TMC2: variants seen among roughly 807,000 people sequenced by gnomAD.
TMC2 encodes transmembrane channel-like protein 2.
TMC2 carries 102 observed loss-of-function variants against 105.9 expected under a neutral mutation model. The ratio of observed to expected loss-of-function variants is 0.96; its 90% CI spans 0.82 to 1.14. TMC2 has a LOEUF of 1.14. Among genes scored for constraint, TMC2 ranks in the 50% most tolerant of loss-of-function variants. The pLI is 0.00. For synonymous variants in TMC2, 402 were observed against 422.8 expected, an observed-to-expected ratio of 0.95 and a Z score of 0.60; for missense variants, 1,093 against 1,134.3, an observed-to-expected ratio of 0.96 and a Z score of 0.52.
chr20:2,618,185 C>T (rs2146249954), intron 16 of TMC2: 1 of 152,710 alleles, frequency 6.5e-6, no homozygotes, highest in Non-Finnish European at 1.5e-5. Flanking sequence ...TCCTTCCCAA[C>T]CTCTGATCAC....
Position 2,612,360 on chromosome 20 carries a change from A to T in TMC2, c.1743+20A>T, listed in dbSNP as rs1015159. 1 of 1,522,180 alleles carries T rather than the reference A, an allele frequency of 6.6e-7. No individual in the cohort carries two copies. The allele number at this position is 1,522,180 out of a possible 1,614,324, so 94.3% of individuals were successfully genotyped here. On this transcript the variant is annotated intron_variant, in intron 13 of 19. Transcript: ENST00000358864. ...GGCATTGTGAGTAGTTACACTCTCTAAAAAGGTGACCCCTGTTCTCAGTTC... is the reference window on the plus strand; with the variant it reads ...GGCATTGTGAGTAGTTACACTCTCTTAAAAGGTGACCCCTGTTCTCAGTTC...
At chr20:2,584,178 C>T (rs1278239099) in intron 7 of TMC2, among the ~76,000 whole-genome samples, 3 of 152,124 alleles carry the variant, frequency 2.0e-5, no homozygotes, top group Non-Finnish European at 4.4e-5. Flanking sequence ...GGCGCGGTGG[C>T]TCACGCCTGT....
chr20:2,637,902 G>A lies in TMC2; in HGVS notation c.2503+311G>A, dbSNP rs6076379. On this transcript the variant is annotated intron_variant, in intron 19 of 19. Transcript: ENST00000358864. ...ATAACATTTGGATCAACCATGGATGGCATCTACAATGGTGGCCCCATAAGA... is the reference window on the plus strand; with the variant it reads ...ATAACATTTGGATCAACCATGGATGACATCTACAATGGTGGCCCCATAAGA... 0.42 allele frequency among the ~76,000 whole-genome samples: 64,556 copies of A among 151,924 alleles called. 15,622 individuals carry two copies. Among genetic ancestry groups the A allele is most frequent in the East Asian group, 0.55 (2,822 of 5,160 alleles).
chr20:2,642,521 C>A lies in TMC2; in HGVS notation c.*1170C>A, dbSNP rs1016591080. 1.3e-5 allele frequency among the ~76,000 whole-genome samples: 2 copies of A among 152,224 alleles called. No homozygotes were observed. Among genetic ancestry groups the A allele is most frequent in the Admixed American group, 1.3e-4 (2 of 15,284 alleles). ...GTACAAAAGACCTTGAAGATGGTTT[C>A]TCTGAAGAGTTTTGCAAAAGGTACA... On this transcript the variant is annotated 3_prime_UTR_variant, in exon 20 of 20. Transcript: ENST00000358864.
Position 2,592,254 on chromosome 20 carries a change from C to A in TMC2, c.835-56C>A. 1.8e-6 allele frequency: 2 copies of A among 1,132,576 alleles called. No homozygotes were observed. Among genetic ancestry groups the A allele is most frequent in the Non-Finnish European group, 1.3e-6 (1 of 744,140 alleles). 70.2% of individuals were successfully genotyped at this position (1,132,576 alleles called of 1,614,324 possible). On this transcript the variant is annotated intron_variant, in intron 7 of 19. Transcript: ENST00000358864. This position sits in a 1 kb window ranked among gnomAD's most constrained non-coding sequence, Gnocchi z 4.9. ...AGCATTTACCCCAGTATATGAATGT[C>A]TCTGTGTGTTTGTATTTCCTCCACT...
intron 7 of TMC2, among the ~76,000 whole-genome samples, chr20:2,582,204 G>T (rs1228441676): frequency 6.6e-6 from 1 of 152,150 alleles, no homozygotes; most frequent in Non-Finnish European, 1.5e-5. Flanking sequence ...AGCAATTAGG[G>T]TGTGGGGTGT....
At chr20:2,584,443 CAAAA>C (rs1161913633) in intron 7 of TMC2, among the ~76,000 whole-genome samples, 5 of 70,146 alleles carry the variant, frequency 7.1e-5, no homozygotes, top group Admixed American at 1.7e-4. Context: ...GACTCCGTCT[CAAAA>C]AAAAAAAAAA....
At chr20:2,585,700 T>TTCA (rs2086227117) in intron 7 of TMC2, among the ~76,000 whole-genome samples, 1 of 152,240 alleles carries the variant, frequency 6.6e-6, no homozygotes, top group Non-Finnish European at 1.5e-5. Flanking sequence ...CTTATGTGGC[T>TTCA]GTTCCCAAGG....
At chr20:2,543,040 C>G (rs375122450) in intron 2 of TMC2, among the ~76,000 whole-genome samples, 2 of 151,898 alleles carry the variant, frequency 1.3e-5, no homozygotes, top group African/African-American at 4.8e-5. Flanking sequence ...AGTTTGAGAC[C>G]AGCCTGGCCA....
rs946009190 is a variant in TMC2 at position 2,592,241 on chromosome 20, A to T, written c.835-69A>T. The T allele has an allele frequency of 6.4e-6, 6 of 937,020 alleles. No homozygotes were observed. In the African/African-American group the frequency reaches 9.7e-5, roughly 15 times the overall value. 58.0% of individuals were successfully genotyped at this position (937,020 alleles called of 1,614,324 possible). A position where few individuals can be genotyped will look rare whatever the true frequency, so the allele number is the denominator to read the frequency against. ...CTCTGAGAAGGAAAGCATTTACCCC[A>T]GTATATGAATGTCTCTGTGTGTTTG... On this transcript the variant is annotated intron_variant, in intron 7 of 19. Transcript: ENST00000358864. The surrounding 1 kb of genome is among the most constrained non-coding windows in gnomAD (Gnocchi z 4.9).
At chr20:2,636,554 C>A (rs1364983010) in intron 18 of TMC2, among the ~76,000 whole-genome samples, 1 of 151,622 alleles carries the variant, frequency 6.6e-6, no homozygotes, top group Non-Finnish European at 1.5e-5. Context: ...TTTCTCTGTC[C>A]CTCTTCTGGA....
In TMC2 at chr20:2,579,186, C is replaced by G; in HGVS notation, c.686C>G (p.Thr229Ser). The G allele has an allele frequency of 6.2e-7, 1 of 1,602,660 alleles. No homozygotes were observed. Among genetic ancestry groups the G allele is most frequent in the Non-Finnish European group, 8.5e-7 (1 of 1,169,744 alleles). The change falls in exon 6 of 20, where the codon ACT becomes AGT. Residue 229 changes from threonine to serine, a missense_variant. Physicochemically the swap from Thr to Ser is moderately conservative, Grantham distance 58. Coordinates refer to ENST00000358864, the MANE Select transcript of TMC2 (RefSeq NM_080751.3). The stretch of plus-strand genomic sequence containing the variant: ...AAGAGAGACTTTGATAATTTCAAGA[C>G]TCAATGTATCCCCTGGGAAATGAAG... ...KFKRDFDNFK[T>S]QCIPWEMKIK...
chr20:2,623,765 G>T lies in TMC2; in HGVS notation c.2181-506G>T, dbSNP rs546844469. On this transcript the variant is annotated intron_variant, in intron 16 of 19. Coordinates refer to ENST00000358864, the MANE Select transcript of TMC2 (RefSeq NM_080751.3). ...TTTGAAGAAAATAAAAATTACAGTT[G>T]TGAACTGTCCAGGAGCCTGTCCTAG... Among the ~76,000 whole-genome samples, 9 of 152,268 alleles carry T rather than the reference G, an allele frequency of 5.9e-5. No individual in the cohort carries two copies. The East Asian group carries it at 1.5e-3, about 26-fold the overall frequency.
At chr20:2,538,650 G>A (rs1048705135) in intron 2 of TMC2, among the ~76,000 whole-genome samples, 2 of 152,172 alleles carry the variant, frequency 1.3e-5, no homozygotes, top group Admixed American at 6.5e-5. Flanking sequence ...GGACTGAAAT[G>A]GAAGACCATT....
rs745396917 is a variant in TMC2, at chr20:2,637,467, C to T, written c.2386-7C>T. ...GGCCAGGACCAACAGTTCATTATTT[C>T]CTGCAGCTCCGTGAAGTTGAGAAGA... On this transcript the variant is annotated splice_region_variant and splice_polypyrimidine_tract_variant and intron_variant, in intron 18 of 19. Transcript: ENST00000358864. 2.8e-5 allele frequency: 45 copies of T among 1,594,506 alleles called. No individual in the cohort carries two copies. The highest frequency in any genetic ancestry group is 3.3e-5 in the South Asian group (3 of 90,634).
At chr20:2,542,048 TCA>T (rs2085893530) in intron 2 of TMC2, among the ~76,000 whole-genome samples, 1 of 152,206 alleles carries the variant, frequency 6.6e-6, no homozygotes, top group Admixed American at 6.5e-5. Context: ...GAAAAAAACT[TCA>T]GAGTAAATGT....
intron 2 of TMC2, among the ~76,000 whole-genome samples, chr20:2,538,166 C>T (rs1228557629): frequency 6.6e-6 from 1 of 152,066 alleles, no homozygotes; most frequent in African/African-American, 2.4e-5. Context: ...TCCTGTGACC[C>T]GCTGCTGTCT....
At chr20:2,541,289 G>A (rs2085888267) in intron 2 of TMC2, among the ~76,000 whole-genome samples, 1 of 152,132 alleles carries the variant, frequency 6.6e-6, no homozygotes. Flanking sequence ...TAGAAATAAT[G>A]TTGCATTGAA....
In TMC2 at chr20:2,637,521, A is replaced by G. The variant is rs1162749247; in HGVS notation, c.2433A>G (p.Thr811=). 1 of 1,614,148 alleles carries G rather than the reference A, an allele frequency of 6.2e-7. No homozygotes were observed. Among genetic ancestry groups the G allele is most frequent in the African/African-American group, 1.3e-5 (1 of 75,032 alleles). ...KSHKSVKGKA[T]ARDSEDTPKS... ...ACAAATCTGTAAAAGGCAAAGCCAC[A>G]GCCAGAGATTCAGAGGACACACCTA... is the stretch of plus-strand genomic sequence containing the variant. The change falls in exon 19 of 20, where the codon ACA becomes ACG. Residue 811 remains threonine (T), a synonymous_variant. Coordinates refer to ENST00000358864, the MANE Select transcript of TMC2 (RefSeq NM_080751.3).
Sources: allele counts gnomAD v4.1 joint callset (sites outside exome capture counted in the v4.1 genomes callset), GRCh38; gene constraint gnomAD v4.1.1; non-coding constraint Gnocchi (gnomAD v3.1); transcripts MANE v1.5; gene names NCBI Gene and HGNC (gene_info 2026-07-23, HGNC 2026-07-21).